TNFSF8: variants seen among roughly 807,000 people sequenced by gnomAD.
The protein encoded by TNFSF8 is TNF superfamily member 8.
In TNFSF8, 4 loss-of-function variants were observed where a neutral mutation model predicts 22.0. The ratio of observed to expected loss-of-function variants is 0.18; its 90% confidence interval spans 0.09 to 0.42. TNFSF8 has a LOEUF of 0.42. Among genes scored for constraint, TNFSF8 ranks in the 10% least tolerant of loss-of-function variants. The pLI is 1.00. For missense variants in TNFSF8, 233 were observed against 281.8 expected, an observed-to-expected ratio of 0.83 and a Z score of 1.24; for synonymous variants, 106 against 112.5, an observed-to-expected ratio of 0.94 and a Z score of 0.37.
rs926790345 is a variant in TNFSF8, at chr9:114,904,191, C to T, written c.445G>A (p.Val149Ile). 3 of 1,614,098 alleles carry T rather than the reference C, an allele frequency of 1.9e-6. No individual in the cohort carries two copies. The South Asian group carries it at 3.3e-5, about 18-fold the overall frequency. ...YFIICQLQFL[V>I]QCPNNSVDLK... The stretch of plus-strand genomic sequence containing the variant: ...TCGACAGAATTATTTGGGCATTGTA[C>T]AAGAAACTGCAGTTGGCAAATGATG... The change falls in exon 4 of 4, where the codon GTA becomes ATA. Residue 149 changes from valine (V) to isoleucine (I), a missense_variant. Coordinates refer to ENST00000223795, the MANE Select transcript of TNFSF8 (RefSeq NM_001244.4).
At chr9:114,904,522 C>T (rs1298093015) in intron 3 of TNFSF8, among the ~76,000 whole-genome samples, 197 bp from the exon 4 acceptor site, 1 of 152,194 alleles carries the variant, frequency 6.6e-6, no homozygotes, top group Non-Finnish European at 1.5e-5. Context: ...ACCCCTCTTC[C>T]TTTTCTTCAA....
chr9:114,894,613 A>T (rs1827638912), intron 4 of TNFSF8, among the ~76,000 whole-genome samples: 2 of 152,182 alleles, frequency 1.3e-5, no homozygotes, highest in South Asian at 4.1e-4. Flanking sequence ...CTGTTTCCTC[A>T]TCTGCAACAT....
Position 114,904,341 on chromosome 9 carries a change from T to C in TNFSF8, c.311-16A>G. On this transcript the variant is annotated splice_polypyrimidine_tract_variant and intron_variant, in intron 3 of 3. Coordinates refer to ENST00000223795, the MANE Select transcript of TNFSF8 (RefSeq NM_001244.4). The stretch of plus-strand genomic sequence containing the variant: ...TGCTTTGCCACTAGAAAGAGAAGTA[T>C]AGAAAACAGAATTATTGAGAAGATT... 1.9e-6 allele frequency: 3 copies of C among 1,577,574 alleles called. No homozygotes were observed. The highest frequency in any genetic ancestry group is 2.6e-6 in the Non-Finnish European group (3 of 1,163,692).
intron 1 of TNFSF8, among the ~76,000 whole-genome samples, chr9:114,927,412 T>C (rs1039830838): frequency 1.3e-5 from 2 of 152,124 alleles, no homozygotes; most frequent in East Asian, 1.9e-4. Flanking sequence ...GCAAGCTTTG[T>C]TGATTTCCCT....
At chr9:114,926,723 T>C (rs1010276862) in intron 1 of TNFSF8, among the ~76,000 whole-genome samples, 1 of 152,028 alleles carries the variant, frequency 6.6e-6, no homozygotes, top group Admixed American at 6.6e-5. Context: ...GGGTTTATTA[T>C]ATATTATAAT....
chr9:114,901,739 C>A lies in TNFSF8; in HGVS notation c.*2192G>T. ...TCAACACCTCTTCCAATGCCTGCTT[C>A]TCCCAAAGAATCTACTCACAGAAAG... On this transcript the variant is annotated 3_prime_UTR_variant, in exon 4 of 4. Coordinates refer to ENST00000223795, the MANE Select transcript of TNFSF8 (RefSeq NM_001244.4). The A allele has an allele frequency of 4.1e-6, 4 of 985,380 alleles. No individual in the cohort carries two copies. Among genetic ancestry groups the A allele is most frequent in the Non-Finnish European group, 4.8e-6 (4 of 829,922 alleles). The allele number at this position is 985,380 out of a possible 1,614,324, so 61.0% of individuals were successfully genotyped here.
chr9:114,916,979 G>T (rs1827927098), intron 2 of TNFSF8, among the ~76,000 whole-genome samples: 3 of 152,220 alleles, frequency 2.0e-5, no homozygotes. Flanking sequence ...AGATATTGTT[G>T]ACAAGGCTAT....
chr9:114,902,532 T>A lies in TNFSF8; in HGVS notation c.*1399A>T. The A allele has an allele frequency of 1.0e-6, 1 of 985,436 alleles. No homozygotes were observed. The highest frequency in any genetic ancestry group is 1.2e-6 in the Non-Finnish European group (1 of 829,934). 61.0% of individuals were successfully genotyped at this position (985,436 alleles called of 1,614,324 possible). The stretch of plus-strand genomic sequence containing the variant: ...CCCAGATGGTCTCTTAGATTCTGGA[T>A]GGTCAGTGTGGTAGTTCTTTCCATT... On this transcript the variant is annotated 3_prime_UTR_variant, in exon 4 of 4. Coordinates refer to ENST00000223795, the MANE Select transcript of TNFSF8 (RefSeq NM_001244.4).
rs909464251 is a variant in TNFSF8, at chr9:114,903,286, G to C, written c.*645C>G. ...CTTTCCATCTCAGGAACAGGGGGCT[G>C]TCCCAGCCTGGTTTTCCCTGGGGGT... On this transcript the variant is annotated 3_prime_UTR_variant, in exon 4 of 4. Coordinates refer to ENST00000223795, the MANE Select transcript of TNFSF8 (RefSeq NM_001244.4). The C allele has an allele frequency of 6.6e-6, 1 of 152,284 alleles. No individual in the cohort carries two copies. The highest frequency in any genetic ancestry group is 6.5e-5 in the Admixed American group (1 of 15,282). 9.4% of individuals were successfully genotyped at this position (152,284 alleles called of 1,614,324 possible). A position where few individuals can be genotyped will look rare whatever the true frequency, so the allele number is the denominator to read the frequency against.
At chr9:114,910,537 T>C (rs1827840201) in intron 2 of TNFSF8, among the ~76,000 whole-genome samples, 1 of 152,130 alleles carries the variant, frequency 6.6e-6, no homozygotes, top group Non-Finnish European at 1.5e-5. Context: ...AAGGGTTAAA[T>C]GCAGGAAGAA....
At chr9:114,915,757 A>G (rs763778289) in intron 2 of TNFSF8, among the ~76,000 whole-genome samples, 4 of 113,246 alleles carry the variant, frequency 3.5e-5, no homozygotes, top group African/African-American at 9.3e-5. Context: ...GTCTTTAACA[A>G]AAGTTTCACA....
At position 114,902,274 on chromosome 9, in the gene TNFSF8, G is replaced by C. The variant is rs916669963; in HGVS notation, c.*1657C>G. On this transcript the variant is annotated 3_prime_UTR_variant, in exon 4 of 4. Coordinates refer to ENST00000223795, the MANE Select transcript of TNFSF8 (RefSeq NM_001244.4). Reference sequence around the variant, plus strand: ...CATCATTGTCTCTCAACAACTTTGTGGGGATATAAAAACCCTCGCGGAACT... The same window carrying C: ...CATCATTGTCTCTCAACAACTTTGTCGGGATATAAAAACCCTCGCGGAACT... The C allele has an allele frequency of 1.0e-6, 1 of 985,414 alleles. No individual in the cohort carries two copies. Among genetic ancestry groups the C allele is most frequent in the Non-Finnish European group, 1.2e-6 (1 of 829,932 alleles). 61.0% of individuals were successfully genotyped at this position (985,414 alleles called of 1,614,324 possible). A position where few individuals can be genotyped will look rare whatever the true frequency, so the allele number is the denominator to read the frequency against.
Position 114,901,176 on chromosome 9 carries a change from G to C in TNFSF8, c.*2755C>G. On this transcript the variant is annotated 3_prime_UTR_variant, in exon 4 of 4. Transcript: ENST00000223795. Reference sequence around the variant, plus strand: ...GTTAGATAAATTATTTATTTTACTTGCATAGATATCATTTTACTCATGGAG... The same window carrying C: ...GTTAGATAAATTATTTATTTTACTTCCATAGATATCATTTTACTCATGGAG... The C allele has an allele frequency of 2.0e-6, 2 of 985,250 alleles. No individual in the cohort carries two copies. Among genetic ancestry groups the C allele is most frequent in the Non-Finnish European group, 2.4e-6 (2 of 829,816 alleles). The allele number at this position is 985,250 out of a possible 1,614,324, so 61.0% of individuals were successfully genotyped here. A position where few individuals can be genotyped will look rare whatever the true frequency, so the allele number is the denominator to read the frequency against.
chr9:114,912,851 C>T (rs1037908302), intron 2 of TNFSF8, among the ~76,000 whole-genome samples: 9 of 152,198 alleles, frequency 5.9e-5, no homozygotes, highest in African/African-American at 1.4e-4. Flanking sequence ...AACCTCACTT[C>T]GTCTTCTTTA....
chr9:114,899,342 A>ATTTTTTTTTTTTTTTTTTTTTTTTTTT (rs137946179), downstream of TNFSF8, among the ~76,000 whole-genome samples: 1 of 142,632 alleles, frequency 7.0e-6, no homozygotes, highest in African/African-American at 2.7e-5. Flanking sequence ...ACAGTAAGTT[A>ATTTTTTTTTTTTTTTTTTTTTTTTTTT]TTATTTTTTT....
At chr9:114,921,677 C>T (rs1346978952) in intron 1 of TNFSF8, among the ~76,000 whole-genome samples, 1 of 152,220 alleles carries the variant, frequency 6.6e-6, no homozygotes, top group Non-Finnish European at 1.5e-5. Flanking sequence ...CTAATCTTGT[C>T]TGGGGATCTG....
intron 2 of TNFSF8, among the ~76,000 whole-genome samples, chr9:114,913,892 G>A (rs1003748327): frequency 1.3e-5 from 2 of 152,198 alleles, no homozygotes; most frequent in Non-Finnish European, 2.9e-5. Context: ...TCACTCTGCC[G>A]TGGCCTCATA....
chr9:114,927,425 A>G (rs1828077180), intron 1 of TNFSF8, among the ~76,000 whole-genome samples: 1 of 152,094 alleles, frequency 6.6e-6, no homozygotes, highest in Non-Finnish European at 1.5e-5. Context: ...ATTTCCCTAC[A>G]CTTTCTCTGT....
At chr9:114,898,290 C>T (rs1827678085), downstream of TNFSF8, among the ~76,000 whole-genome samples, 1 of 152,196 alleles carries the variant, frequency 6.6e-6, no homozygotes, top group Non-Finnish European at 1.5e-5. Context: ...GCCTGAGCCA[C>T]CGTGCCTGGC....
Sources: gnomAD v4.1 joint callset for allele counts (sites outside exome capture counted in the v4.1 genomes callset) on GRCh38, gnomAD v4.1.1 for gene constraint, MANE v1.5 for transcripts, NCBI Gene and HGNC (gene_info 2026-07-23, HGNC 2026-07-21) for gene names.